SPATS2L: variants seen among roughly 807,000 people sequenced by gnomAD.
SPATS2L encodes spermatogenesis associated serine rich 2 like.
SPATS2L carries 30 observed loss-of-function variants against 59.6 expected under a neutral mutation model. That is an observed-to-expected ratio of 0.50 (90% CI 0.38 to 0.68). The LOEUF is 0.68. SPATS2L is among the 30% of genes least tolerant of loss of function. SPATS2L has a pLI of 0.00. For missense variants in SPATS2L, 615 were observed against 700.0 expected (o/e 0.88, Z 1.37); for synonymous variants, 252 against 263.5 (o/e 0.96, Z 0.42).
chr2:200,422,496 C>T (rs1274964043), intron 6 of SPATS2L, among the ~76,000 whole-genome samples: 2 of 142,468 alleles, frequency 1.4e-5, no homozygotes, highest in Non-Finnish European at 3.0e-5. Flanking sequence ...GTGATCGTGC[C>T]ACTGCACTCC....
At chr2:200,413,227 G>T in intron 4 of SPATS2L, among the ~76,000 whole-genome samples, 1 of 152,148 alleles carries the variant, frequency 6.6e-6, no homozygotes, top group African/African-American at 2.4e-5. Flanking sequence ...AAGAGGACTG[G>T]TTTATTCTTT....
intron 8 of SPATS2L, among the ~76,000 whole-genome samples, chr2:200,446,485 T>C (rs992782117): frequency 1.3e-5 from 2 of 152,110 alleles, no homozygotes; most frequent in African/African-American, 4.8e-5. Context: ...TTGGAAATAT[T>C]TTTGGTTGTC....
At chr2:200,443,921 G>A (rs1002980975) in intron 8 of SPATS2L, among the ~76,000 whole-genome samples, 4 of 152,180 alleles carry the variant, frequency 2.6e-5, no homozygotes, top group African/African-American at 4.8e-5. Flanking sequence ...AAACCACTAA[G>A]TAGCTAAAAT....
intron 2 of SPATS2L, among the ~76,000 whole-genome samples, chr2:200,362,129 C>A (rs295126): frequency 0.92 from 139,333 of 152,194 alleles, 64,004 homozygotes; most frequent in Middle Eastern, 0.97. Context: ...TGCCTGTAAT[C>A]CCAGCTACTC....
intron 6 of SPATS2L, among the ~76,000 whole-genome samples, chr2:200,425,246 T>A (rs2083501224): frequency 6.6e-6 from 1 of 151,810 alleles, no homozygotes; most frequent in Non-Finnish European, 1.5e-5. Context: ...AAGCAGATTT[T>A]TTTATGTTGC....
chr2:200,464,432 G>A (rs2086447317), intron 9 of SPATS2L, among the ~76,000 whole-genome samples: 1 of 152,136 alleles, frequency 6.6e-6, no homozygotes, highest in Non-Finnish European at 1.5e-5. Context: ...TCCTATTTTA[G>A]GGCCCATTTA....
chr2:200,452,566 A>T (rs1249053575), intron 8 of SPATS2L, among the ~76,000 whole-genome samples: 1 of 152,240 alleles, frequency 6.6e-6, no homozygotes, highest in Non-Finnish European at 1.5e-5. Flanking sequence ...TATGCAGACT[A>T]AACAATATTA....
At chr2:200,360,552 C>T (rs979406141) in intron 2 of SPATS2L, among the ~76,000 whole-genome samples, 2 of 152,180 alleles carry the variant, frequency 1.3e-5, no homozygotes, top group African/African-American at 4.8e-5. Context: ...CAGAAGGATC[C>T]TATCGGAGTG....
intron 1 of SPATS2L, among the ~76,000 whole-genome samples, chr2:200,313,140 T>A (rs1010515765): frequency 6.6e-6 from 1 of 152,188 alleles, no homozygotes; most frequent in African/African-American, 2.4e-5. Flanking sequence ...ATGGTGACAC[T>A]GAAAATATTT....
Position 200,477,973 on chromosome 2 carries a change from T to C in SPATS2L, c.1619T>C (p.Ile540Thr), listed in dbSNP as rs768832391. The C allele has an allele frequency of 1.9e-6, 3 of 1,600,930 alleles. No homozygotes were observed. The highest frequency in any genetic ancestry group is 2.7e-5 in the African/African-American group (2 of 74,430). The change falls in exon 13 of 13, where the codon ATA (isoleucine) becomes ACA (threonine). Residue 540 changes from isoleucine to threonine, a missense_variant. Physicochemically the swap from Ile to Thr is moderately conservative, Grantham distance 89. This residue lies in a region of SPATS2L where 284 missense variants were observed against 280.1 expected (regional missense o/e 1.01). Transcript: ENST00000409140. ...CAGTGCAATCTCTGCCCCACGAGAATAGAAGTTTCCACAGATGCAGCAGTT... is the reference window on the plus strand; with the variant it reads ...CAGTGCAATCTCTGCCCCACGAGAACAGAAGTTTCCACAGATGCAGCAGTT... Reference protein sequence around the residue: ...VSQCNLCPTRIEVSTDAAVLS... With the variant: ...VSQCNLCPTRTEVSTDAAVLS...
chr2:200,407,704 C>T (rs1436807169), intron 3 of SPATS2L, among the ~76,000 whole-genome samples: 1 of 152,268 alleles, frequency 6.6e-6, no homozygotes, highest in East Asian at 1.9e-4. Flanking sequence ...AATATTCCTC[C>T]AGTCTCTGTT....
At chr2:200,477,537 A>G in intron 12 of SPATS2L, 99 bp from the exon 13 acceptor site, 1 of 700,342 alleles carries the variant, frequency 1.4e-6, no homozygotes. Flanking sequence ...AAAAAAAAAA[A>G]AGCTTACCTG....
intron 1 of SPATS2L, among the ~76,000 whole-genome samples, chr2:200,316,916 C>A (rs1559033905): frequency 6.6e-6 from 1 of 152,158 alleles, no homozygotes; most frequent in South Asian, 2.1e-4. Context: ...AATATTCTTG[C>A]TAGTTTGCAG....
intron 2 of SPATS2L, among the ~76,000 whole-genome samples, chr2:200,381,225 G>C (rs987006609): frequency 1.2e-4 from 18 of 152,184 alleles, no homozygotes; most frequent in Non-Finnish European, 2.4e-4. Flanking sequence ...GGCCCTGGAT[G>C]GTTAGTCTCT....
At chr2:200,418,819 G>A (rs993379818) in intron 5 of SPATS2L, among the ~76,000 whole-genome samples, 2 of 151,980 alleles carry the variant, frequency 1.3e-5, no homozygotes, top group Admixed American at 6.6e-5. Context: ...TCCTTCTGCC[G>A]AGCAGATGGG....
chr2:200,334,853 T>A (rs909172096), intron 2 of SPATS2L, among the ~76,000 whole-genome samples: 19 of 152,362 alleles, frequency 1.2e-4, no homozygotes, highest in African/African-American at 4.3e-4. Context: ...GAGGGCTCTG[T>A]TCTGTTCCAT....
intron 3 of SPATS2L, among the ~76,000 whole-genome samples, chr2:200,401,759 G>A (rs1054483419): frequency 1.3e-5 from 2 of 152,102 alleles, no homozygotes; most frequent in Non-Finnish European, 2.9e-5. Context: ...TGGGGCTCAG[G>A]TTTAGCTATG....
At chr2:200,412,849 C>T (rs150411372) in intron 4 of SPATS2L, among the ~76,000 whole-genome samples, 3,365 of 151,740 alleles carry the variant, frequency 0.022, 128 homozygotes, top group African/African-American at 0.077. Flanking sequence ...GCCAGGAGTT[C>T]GAGACCAGCC....
chr2:200,415,603 A>G (rs2083027417), intron 4 of SPATS2L, among the ~76,000 whole-genome samples: 1 of 152,162 alleles, frequency 6.6e-6, no homozygotes, highest in South Asian at 2.1e-4. Flanking sequence ...TTGTTAGACT[A>G]TGGAGAAACA....
Sources: gnomAD v4.1 joint callset for allele counts (sites outside exome capture counted in the v4.1 genomes callset) on GRCh38, gnomAD v4.1.1 for gene constraint, gnomAD v4.1.1 regional missense constraint, MANE v1.5 for transcripts, NCBI Gene and HGNC (gene_info 2026-07-23, HGNC 2026-07-21) for gene names.